Variants in DHTKD1 observed in about 807,000 individuals in gnomAD.
The protein encoded by DHTKD1 is 2-oxoadipate dehydrogenase complex component E1.
In DHTKD1, 78 loss-of-function variants were observed where a neutral mutation model predicts 101.8. The observed-to-expected ratio is 0.77, with a 90% CI of 0.64 to 0.93. The LOEUF (loss-of-function observed/expected upper bound fraction) is 0.93. Ranked by LOEUF, DHTKD1 falls within the 40% of genes least tolerant of loss-of-function variation. The probability of loss-of-function intolerance (pLI) is 0.00; values close to 1 mark genes in which losing one functional copy is unlikely to be tolerated. For synonymous variants in DHTKD1, 462 were observed against 450.3 expected (o/e 1.03, Z -0.33); for missense variants, 1,223 against 1,161.7 (o/e 1.05, Z -0.77).
rs772477455 is a variant in DHTKD1 at position 12,100,276 on chromosome 10, T to G, written c.1756+14T>G. On this transcript the variant is annotated intron_variant, in intron 9 of 16. Coordinates refer to ENST00000263035, the MANE Select transcript of DHTKD1 (RefSeq NM_018706.7). ...TACTTGCTCAAGGTAAGAATTTTCT[T>G]TTTTTTTTCTGTTTTTTTTTTTTTT... 1 of 1,161,450 alleles carries G rather than the reference T, an allele frequency of 8.6e-7. No homozygotes were observed. The highest frequency in any genetic ancestry group is 1.2e-6 in the Non-Finnish European group (1 of 829,110). The allele number at this position is 1,161,450 out of a possible 1,614,324, so 71.9% of individuals were successfully genotyped here.
At chr10:12,071,581 C>G (rs1832651387) in intron 1 of DHTKD1, among the ~76,000 whole-genome samples, 1 of 151,536 alleles carries the variant, frequency 6.6e-6, no homozygotes, top group South Asian at 2.1e-4. Context: ...ACTAGCCTGG[C>G]CAACATGGTG....
intron 2 of DHTKD1, among the ~76,000 whole-genome samples, chr10:12,084,079 T>C (rs1460646730): frequency 6.6e-6 from 1 of 151,918 alleles, no homozygotes; most frequent in Non-Finnish European, 1.5e-5. Flanking sequence ...CACGCTACCA[T>C]GCCCGGCTAA....
chr10:12,082,707 G>A (rs983056623), intron 2 of DHTKD1, among the ~76,000 whole-genome samples: 1 of 151,312 alleles, frequency 6.6e-6, no homozygotes, highest in African/African-American at 2.4e-5. Context: ...AAGCAAACAC[G>A]TTAATGTGGA....
intron 15 of DHTKD1, among the ~76,000 whole-genome samples, chr10:12,119,482 G>A (rs7901558): frequency 0.078 from 11,756 of 151,026 alleles, 566 homozygotes; most frequent in Non-Finnish European, 0.12. Flanking sequence ...CGGGCGTGGT[G>A]GCGGGCGCCT....
chr10:12,089,722 G>C (rs560205058), intron 5 of DHTKD1, among the ~76,000 whole-genome samples: 3 of 151,886 alleles, frequency 2.0e-5, no homozygotes, highest in Non-Finnish European at 4.4e-5. Flanking sequence ...TCAGGCTGGA[G>C]TGCAGTGGCG....
intron 15 of DHTKD1, among the ~76,000 whole-genome samples, chr10:12,119,529 T>C (rs1249836890): frequency 2.1e-5 from 3 of 140,298 alleles, no homozygotes; most frequent in South Asian, 2.2e-4. Flanking sequence ...CGCAGGAGAA[T>C]GGCGTGAACC....
At position 12,106,275 on chromosome 10, in the gene DHTKD1, C is replaced by A; in HGVS notation, c.1926C>A (p.Ala642=). The change falls in exon 11 of 17, where the codon GCC becomes GCA. Residue 642 remains alanine, a synonymous_variant. Transcript: ENST00000263035. ...EVSNSPLSEE[A]VLGFEYGMSI... is the part of the protein sequence containing the mutation. The stretch of plus-strand genomic sequence containing the variant: ...GCAACAGCCCACTGTCAGAAGAGGC[C>A]GTCCTGGGATTTGAATATGGGATGA... 4 of 1,614,062 alleles carry A rather than the reference C, an allele frequency of 2.5e-6. No homozygotes were observed. The highest frequency in any genetic ancestry group is 1.1e-5 in the South Asian group (1 of 91,082).
chr10:12,087,577 C>T lies in DHTKD1; in HGVS notation c.565C>T (p.Arg189Ter), dbSNP rs1352209571. 5.6e-6 allele frequency: 9 copies of T among 1,611,878 alleles called. No homozygotes were observed. Among genetic ancestry groups the T allele is most frequent in the East Asian group, 2.2e-5 (1 of 44,856 alleles). Residue 189 changes from arginine (R) to a stop codon, truncating the protein, a stop_gained, in exon 4 of 17, where the codon CGA (arginine) becomes TGA (stop). Transcript: ENST00000263035. LOFTEE classifies it high-confidence loss of function. The surrounding 1 kb of genome is among the most constrained non-coding windows in gnomAD (Gnocchi z 5.2). The stretch of plus-strand genomic sequence containing the variant: ...GGCCACCAAGTTCTCGACAGTGAAG[C>T]GATATGGAGGCGAAGGGGCTGAAAG... Reference protein sequence around the residue: ...FLATKFSTVKRYGGEGAESMM... With the variant: ...FLATKFSTVK
At chr10:12,100,151 T>C (rs1165894543) in intron 8 of DHTKD1, 27 bp from the exon 9 acceptor site, 1 of 1,396,086 alleles carries the variant, frequency 7.2e-7, no homozygotes. Flanking sequence ...TAGACGTTCC[T>C]TTTTTTTCTT....
chr10:12,081,822 C>G (rs1376996159), intron 2 of DHTKD1, among the ~76,000 whole-genome samples, 195 bp downstream of exon 2: 1 of 151,986 alleles, frequency 6.6e-6, no homozygotes, highest in African/African-American at 2.4e-5. Context: ...CCTGTTTTCT[C>G]AAGGTTCAAA....
intron 15 of DHTKD1, among the ~76,000 whole-genome samples, chr10:12,119,583 T>A (rs1212249846): frequency 7.7e-6 from 1 of 130,280 alleles, no homozygotes; most frequent in Non-Finnish European, 1.5e-5. Flanking sequence ...GCTACTGCAC[T>A]CCAGCCTGGG....
intron 7 of DHTKD1, among the ~76,000 whole-genome samples, chr10:12,096,675 C>A (rs1362386282): frequency 6.6e-6 from 1 of 152,206 alleles, no homozygotes; most frequent in Non-Finnish European, 1.5e-5. Flanking sequence ...TAAAATCTAT[C>A]CTGCTTTCTT....
At chr10:12,094,299 GC>G (rs1388272562) in intron 7 of DHTKD1, 28 bp downstream of exon 7, 1 of 1,588,588 alleles carries the variant, frequency 6.3e-7, no homozygotes, top group Non-Finnish European at 8.6e-7. Context: ...TGTGTGATAT[GC>G]CCCCTAAAAA....
At chr10:12,115,311 G>C (rs1307324899) in intron 13 of DHTKD1, among the ~76,000 whole-genome samples, 1 of 152,084 alleles carries the variant, frequency 6.6e-6, no homozygotes, top group African/African-American at 2.4e-5. Flanking sequence ...TGGCCAGGCT[G>C]GTCTCGAACT....
intron 1 of DHTKD1, among the ~76,000 whole-genome samples, chr10:12,071,931 A>G (rs1304680215): frequency 2.0e-5 from 3 of 152,210 alleles, no homozygotes; most frequent in African/African-American, 7.2e-5. Context: ...ACGTAACATT[A>G]ATTATCAAGT....
chr10:12,101,486 C>T (rs1352189263), intron 10 of DHTKD1, among the ~76,000 whole-genome samples: 1 of 152,174 alleles, frequency 6.6e-6, no homozygotes, highest in Non-Finnish European at 1.5e-5. Context: ...TAAAGTTAGT[C>T]AAAGATATGG....
Position 12,118,753 on chromosome 10 carries a change from A to C in DHTKD1, c.2407A>C (p.Lys803Gln). The C allele has an allele frequency of 6.4e-7, 1 of 1,562,150 alleles. No individual in the cohort carries two copies. Among genetic ancestry groups the C allele is most frequent in the Non-Finnish European group, 8.6e-7 (1 of 1,156,542 alleles). The change falls in exon 15 of 17, where the codon AAG (lysine) becomes CAG (glutamine). Residue 803 changes from lysine to glutamine, a missense_variant. Physicochemically the swap from Lys to Gln is moderately conservative, Grantham distance 53. Coordinates refer to ENST00000263035, the MANE Select transcript of DHTKD1 (RefSeq NM_018706.7). ...TGTTCCTTTTCTGTCCAACAGGGTT[A>C]AGACCCTCGTGTTCTGCTCCGGCAA... ...GDSSVDPKKV[K>Q]TLVFCSGKHF...
At chr10:12,108,076 C>A in intron 12 of DHTKD1, 61 bp downstream of exon 12, 2 of 1,303,172 alleles carry the variant, frequency 1.5e-6, no homozygotes, top group Admixed American at 1.7e-5. Context: ...GCTTTTCTAC[C>A]TCCTGCGGAT....
chr10:12,087,539 T>A lies in DHTKD1; in HGVS notation c.527T>A (p.Phe176Tyr). Reference sequence around the variant, plus strand: ...GTCTGACATGATGTTCTGCAGGAGTTTGACCACTTTCTGGCCACCAAGTTC... The same window carrying A: ...GTCTGACATGATGTTCTGCAGGAGTATGACCACTTTCTGGCCACCAAGTTC... ...LSKLMLESQE[F>Y]DHFLATKFST... The change falls in exon 4 of 17, where the codon TTT becomes TAT. Residue 176 changes from phenylalanine to tyrosine, a missense_variant. By Grantham distance (22) the Phe-to-Tyr change is conservative. Coordinates refer to ENST00000263035, the MANE Select transcript of DHTKD1 (RefSeq NM_018706.7). This position sits in a 1 kb window ranked among gnomAD's most constrained non-coding sequence, Gnocchi z 5.2. 2 of 1,595,282 alleles carry A rather than the reference T, an allele frequency of 1.3e-6. No homozygotes were observed. The highest frequency in any genetic ancestry group is 1.7e-6 in the Non-Finnish European group (2 of 1,170,482).
Sources: allele counts gnomAD v4.1 joint callset (sites outside exome capture counted in the v4.1 genomes callset), GRCh38; gene constraint gnomAD v4.1.1; non-coding constraint Gnocchi (gnomAD v3.1); transcripts MANE v1.5; gene names NCBI Gene and HGNC (gene_info 2026-07-23, HGNC 2026-07-21).